Variants in MICAL2 observed in about 807,000 individuals in gnomAD.
MICAL2 encodes the protein microtubule associated monooxygenase, calponin and LIM domain containing 2.
A neutral mutation model predicts 127.3 loss-of-function variants in MICAL2; 77 were observed. That is an observed-to-expected ratio of 0.60 (90% CI 0.50 to 0.73). The LOEUF is 0.73. Among genes scored for constraint, MICAL2 ranks in the 30% least tolerant of loss-of-function variants. The pLI, the probability that MICAL2 is intolerant of heterozygous loss-of-function variation, is 0.00. For synonymous variants in MICAL2, 570 were observed against 551.1 expected, an observed-to-expected ratio of 1.03 and a Z score of -0.48; for missense variants, 1,351 against 1,434.4, an observed-to-expected ratio of 0.94 and a Z score of 0.94.
intron 29 of MICAL2, among the ~76,000 whole-genome samples, chr11:12,304,688 AC>A (rs879806623): frequency 0.013 from 1,870 of 148,450 alleles, 18 homozygotes; most frequent in Middle Eastern, 0.031. Context: ...ACACACACAC[AC>A]ACACAAAACA....
chr11:12,146,144 C>G (rs1852877122), intron 2 of MICAL2, among the ~76,000 whole-genome samples: 1 of 152,140 alleles, frequency 6.6e-6, no homozygotes, highest in African/African-American at 2.4e-5. Flanking sequence ...CCATTCAGGA[C>G]ATAGGCATGG....
chr11:12,269,628 G>C (rs1863652074), intron 24 of MICAL2, among the ~76,000 whole-genome samples: 1 of 152,186 alleles, frequency 6.6e-6, no homozygotes, highest in Non-Finnish European at 1.5e-5. Context: ...TCCAGGATGA[G>C]GGCTTCGTGG....
At chr11:12,293,759 A>T (rs773684101), downstream of MICAL2, 4 of 1,613,828 alleles carry the variant, frequency 2.5e-6, no homozygotes, top group Middle Eastern at 1.7e-4. Context: ...TGCAGAGATG[A>T]CTTCTGATGA....
chr11:12,288,503 C>T (rs982985360), downstream of MICAL2, among the ~76,000 whole-genome samples: 2 of 152,154 alleles, frequency 1.3e-5, no homozygotes, highest in East Asian at 3.9e-4. Flanking sequence ...CTGAGCAGCC[C>T]CATGGTGTCT....
At chr11:12,211,106 G>A (rs903968395) in intron 6 of MICAL2, among the ~76,000 whole-genome samples, 7 of 152,210 alleles carry the variant, frequency 4.6e-5, no homozygotes, top group Non-Finnish European at 1.0e-4. Context: ...TTGGCCAGGC[G>A]TGGTGGCTCA....
At chr11:12,256,025 G>A in intron 23 of MICAL2, 1 of 394,020 alleles carries the variant, frequency 2.5e-6, no homozygotes. Flanking sequence ...AAAGGCCCAG[G>A]TGAGGCCGTG....
At chr11:12,256,223 C>A in intron 23 of MICAL2, 1 of 163,936 alleles carries the variant, frequency 6.1e-6, no homozygotes. Flanking sequence ...CCTTTTGGCC[C>A]ATTGCCCTGG....
chr11:12,239,673 C>G, intron 17 of MICAL2, 88 bp downstream of exon 17: 1 of 1,483,376 alleles, frequency 6.7e-7, no homozygotes. Context: ...TCAGATATGC[C>G]AGCCAGGCCT....
exon 1 of MICAL2, chr11:12,276,111 G>A (rs77889302): frequency 0.029 from 11,451 of 399,216 alleles, 1,175 homozygotes; most frequent in African/African-American, 0.21. Flanking sequence ...TGGGGAGGAA[G>A]CAGCTGGACA....
downstream of MICAL2, among the ~76,000 whole-genome samples, chr11:12,287,741 C>G (rs1283627826): frequency 1.3e-5 from 2 of 152,226 alleles, no homozygotes; most frequent in African/African-American, 4.8e-5. Flanking sequence ...GCGGCAGGCC[C>G]TGCCAGGGGG....
chr11:12,297,443 C>A (rs773102729), intron 29 of MICAL2, among the ~76,000 whole-genome samples: 1 of 151,992 alleles, frequency 6.6e-6, no homozygotes, highest in African/African-American at 2.4e-5. Context: ...TGTAATGATA[C>A]AAATTACAAG....
At chr11:12,113,246 C>T (rs1050541742) in intron 1 of MICAL2, among the ~76,000 whole-genome samples, 1 of 152,268 alleles carries the variant, frequency 6.6e-6, no homozygotes, top group South Asian at 2.1e-4. Context: ...GAAGCTGAGA[C>T]CCAGAAAGGT....
At chr11:12,192,754 G>T (rs1047396798) in intron 3 of MICAL2, among the ~76,000 whole-genome samples, 6 of 152,114 alleles carry the variant, frequency 3.9e-5, no homozygotes, top group African/African-American at 1.4e-4. Flanking sequence ...CTCCAGCCTG[G>T]GTGACAGAGT....
At chr11:12,323,572 C>A (rs930472650) in intron 30 of MICAL2, among the ~76,000 whole-genome samples, 1 of 152,080 alleles carries the variant, frequency 6.6e-6, no homozygotes, top group Non-Finnish European at 1.5e-5. Context: ...TCAGCTGAAC[C>A]CAGACAGTAT....
At chr11:12,187,686 G>C (rs1858485427) in intron 3 of MICAL2, among the ~76,000 whole-genome samples, 1 of 152,172 alleles carries the variant, frequency 6.6e-6, no homozygotes, top group African/African-American at 2.4e-5. Context: ...AGGTGACTGG[G>C]GGTTCCCGAG....
At chr11:12,295,884 G>A (rs1224857828), downstream of MICAL2, among the ~76,000 whole-genome samples, 5 of 151,576 alleles carry the variant, frequency 3.3e-5, no homozygotes, top group African/African-American at 1.2e-4. Flanking sequence ...TTTTACATAC[G>A]GTGTTGAATG....
intron 2 of MICAL2, among the ~76,000 whole-genome samples, chr11:12,141,673 A>AT (rs1179657039): frequency 6.6e-6 from 1 of 152,086 alleles, no homozygotes; most frequent in Admixed American, 6.5e-5. Context: ...GGTTGTTGGG[A>AT]TTTTCAAGTC....
At chr11:12,198,081 GGA>G (rs944711912) in intron 3 of MICAL2, among the ~76,000 whole-genome samples, 15 of 152,126 alleles carry the variant, frequency 9.9e-5, no homozygotes, top group Non-Finnish European at 1.9e-4. Flanking sequence ...GTTCCCCTGG[GGA>G]GCCCCTACTG....
At chr11:12,354,946 C>A in intron 34 of MICAL2, 4 of 1,240,880 alleles carry the variant, frequency 3.2e-6, no homozygotes, top group Non-Finnish European at 4.6e-6. Context: ...GGGCGCTCTT[C>A]CTGCCTGCCA....
Sources: allele counts gnomAD v4.1 joint callset (sites outside exome capture counted in the v4.1 genomes callset), GRCh38; gene constraint gnomAD v4.1.1; transcripts MANE v1.5; gene names NCBI Gene and HGNC (gene_info 2026-07-23, HGNC 2026-07-21).